The following CARS2 variants were observed in gnomAD, a reference collection of about 807,000 sequenced individuals.
CARS2 encodes the protein probable cysteine--tRNA ligase, mitochondrial.
Under a neutral mutation model 68.8 loss-of-function variants are expected in CARS2, and 52 were observed. The ratio of observed to expected loss-of-function variants is 0.76; its 90% CI spans 0.61 to 0.95. The LOEUF is 0.95. Ranked by LOEUF, CARS2 falls within the 40% of genes least tolerant of loss-of-function variation. CARS2 has a pLI of 0.00. For synonymous variants in CARS2, 314 were observed against 303.6 expected (o/e 1.03, Z -0.36); for missense variants, 780 against 754.2 (o/e 1.03, Z -0.40).
chr13:110,672,501 C>T (rs1292957001), intron 7 of CARS2, among the ~76,000 whole-genome samples: 13 of 152,146 alleles, frequency 8.5e-5, no homozygotes, highest in African/African-American at 2.4e-4. Context: ...GCAGTAAAGA[C>T]GTTCTTTGAA....
intron 5 of CARS2, among the ~76,000 whole-genome samples, chr13:110,685,992 G>GAAAAAAAAAAAAAAAAAAGAAA (rs10668818): frequency 7.8e-6 from 1 of 128,800 alleles, no homozygotes; most frequent in Non-Finnish European, 1.6e-5. Flanking sequence ...CAGAAAAAAT[G>GAAAAAAAAAAAAAAAAAAGAAA]AAAAAAAAAA....
At chr13:110,698,192 T>TA (rs1202699135) in intron 3 of CARS2, among the ~76,000 whole-genome samples, 1 of 152,016 alleles carries the variant, frequency 6.6e-6, no homozygotes, top group Non-Finnish European at 1.5e-5. Flanking sequence ...CTCACTGACT[T>TA]AAAAAGTATG....
chr13:110,696,987 T>C (rs72661700), intron 3 of CARS2, among the ~76,000 whole-genome samples: 20,801 of 152,182 alleles, frequency 0.14, 2,172 homozygotes, highest in African/African-American at 0.28. Flanking sequence ...TGCGGGGCCC[T>C]TTCTCTGTCC....
intron 2 of CARS2, among the ~76,000 whole-genome samples, chr13:110,702,634 G>A (rs951522972): frequency 6.6e-6 from 1 of 152,176 alleles, no homozygotes; most frequent in Non-Finnish European, 1.5e-5. Context: ...GCTGAGTCCC[G>A]GAACTGCCCT....
At chr13:110,654,144 G>A (rs1258166294) in intron 9 of CARS2, among the ~76,000 whole-genome samples, 1 of 152,206 alleles carries the variant, frequency 6.6e-6, no homozygotes, top group African/African-American at 2.4e-5. Flanking sequence ...CATGCCAGTT[G>A]CCGAGGGACT....
intron 1 of CARS2, chr13:110,712,938 C>G: frequency 6.4e-7 from 1 of 1,558,074 alleles, no homozygotes; most frequent in Non-Finnish European, 8.7e-7. Flanking sequence ...GCGCGGGAGC[C>G]GCCTAGGCTG....
rs1253600968 is a variant in CARS2, at chr13:110,647,195, G to A, written c.1099C>T (p.Leu367Phe). ...DSAMLQAQQL[L>F]LGLGSFLEDA... ...TCCAGGAAAGAGCCCAGCCCCAGGA[G>A]CAGCTGCTGAGCTTGGAGCATGGCG... Residue 367 changes from leucine to phenylalanine, a missense_variant, in exon 11 of 15, where the codon CTC becomes TTC. By Grantham distance (22) the Leu-to-Phe change is conservative. Transcript: ENST00000257347. 1 of 1,613,342 alleles carries A rather than the reference G, an allele frequency of 6.2e-7. No homozygotes were observed. Among genetic ancestry groups the A allele is most frequent in the Admixed American group, 1.7e-5 (1 of 60,024 alleles).
Position 110,641,547 on chromosome 13 carries a change from G to A in CARS2, c.1685C>T (p.Ser562Leu). 1 of 1,613,236 alleles carries A rather than the reference G, an allele frequency of 6.2e-7. No individual in the cohort carries two copies. The highest frequency in any genetic ancestry group is 8.5e-7 in the Non-Finnish European group (1 of 1,179,124). Residue 562 changes from serine (S) to leucine (L), a missense_variant, in exon 15 of 15, where the codon TCA becomes TTA. Transcript: ENST00000257347. The part of the protein sequence containing the change: ...LLDQRTKDQK[S>L]AG ...GGCTGTGCTCCATCCTCAGCCCGCT[G>A]ATTTTTGGTCTTTTGTCCTTTGATC...
chr13:110,708,197 A>C (rs1293777500), upstream of CARS2, among the ~76,000 whole-genome samples: 1 of 152,202 alleles, frequency 6.6e-6, no homozygotes, highest in African/African-American at 2.4e-5. Flanking sequence ...ATTTAGAAGA[A>C]ATAAAAGGGC....
chr13:110,704,649 G>A (rs1204777812), intron 2 of CARS2, among the ~76,000 whole-genome samples: 1 of 152,122 alleles, frequency 6.6e-6, no homozygotes, highest in African/African-American at 2.4e-5. Flanking sequence ...GCTGCCAGGA[G>A]GCGGCAACTG....
intron 7 of CARS2, among the ~76,000 whole-genome samples, chr13:110,673,179 C>CAATAGAA (rs1275236882): frequency 6.6e-6 from 1 of 152,134 alleles, no homozygotes; most frequent in Non-Finnish European, 1.5e-5. Flanking sequence ...TTATTACAAT[C>CAATAGAA]AACAGAAAAC....
At chr13:110,687,577 G>C in intron 5 of CARS2, 144 bp downstream of exon 5, 1 of 583,532 alleles carries the variant, frequency 1.7e-6, no homozygotes, top group East Asian at 2.9e-5. Flanking sequence ...TATTCAGGAG[G>C]CTGAGACGGG....
intron 10 of CARS2, among the ~76,000 whole-genome samples, chr13:110,649,803 C>T (rs992303343): frequency 1.3e-5 from 2 of 152,176 alleles, no homozygotes; most frequent in African/African-American, 4.8e-5. Context: ...CCAGAGGACA[C>T]TGGCCCTGCT....
At chr13:110,648,141 C>G (rs1412341599) in intron 10 of CARS2, among the ~76,000 whole-genome samples, 1 of 152,188 alleles carries the variant, frequency 6.6e-6, no homozygotes, top group East Asian at 1.9e-4. Flanking sequence ...CCAGGGCTGT[C>G]TAATATCTTA....
At chr13:110,713,118 T>A (rs2064055868) in intron 1 of CARS2, 1 of 1,429,904 alleles carries the variant, frequency 7.0e-7, no homozygotes, top group Non-Finnish European at 9.1e-7. Context: ...GTAGTAAGAG[T>A]CCGGGGGGCA....
chr13:110,643,983 G>T, intron 13 of CARS2: 1 of 589,914 alleles, frequency 1.7e-6, no homozygotes, highest in Non-Finnish European at 2.6e-6. Flanking sequence ...AGCCCGTCCT[G>T]TCCGTACAAA....
chr13:110,648,971 G>A (rs781349223), intron 10 of CARS2: 2 of 152,232 alleles, frequency 1.3e-5, no homozygotes, highest in South Asian at 2.1e-4. Context: ...CCCCAGCCAC[G>A]AGGGGAGCAA....
chr13:110,686,687 G>T (rs920469151), intron 5 of CARS2, among the ~76,000 whole-genome samples: 3 of 150,368 alleles, frequency 2.0e-5, no homozygotes, highest in African/African-American at 4.9e-5. Flanking sequence ...CTCCAGAATA[G>T]CTGGGACCAC....
chr13:110,664,379 C>T (rs980061938), intron 8 of CARS2: 1 of 257,398 alleles, frequency 3.9e-6, no homozygotes, highest in African/African-American at 2.3e-5. Flanking sequence ...CGTGGTGGGG[C>T]ACACCTGCAG....
Sources: gnomAD v4.1 joint callset for allele counts (sites outside exome capture counted in the v4.1 genomes callset) on GRCh38, gnomAD v4.1.1 for gene constraint, MANE v1.5 for transcripts, NCBI Gene and HGNC (gene_info 2026-07-23, HGNC 2026-07-21) for gene names.